NFIB: variants seen among roughly 807,000 people sequenced by gnomAD.
The protein encoded by NFIB is nuclear factor I B.
A neutral mutation model predicts 61.5 loss-of-function variants in NFIB; 11 were observed. The observed-to-expected ratio is 0.18, with a 90% CI of 0.11 to 0.30. NFIB has a LOEUF of 0.30. Among genes scored for constraint, NFIB ranks in the 10% least tolerant of loss-of-function variants. The pLI is 1.00. For missense variants in NFIB, 471 were observed against 608.9 expected (o/e 0.77, Z 2.38); for synonymous variants, 260 against 216.5 (o/e 1.20, Z -1.76).
At position 14,313,958 on chromosome 9, in the gene NFIB, G is replaced by T; in HGVS notation, c.-447C>A. On this transcript the variant is annotated 5_prime_UTR_variant, in exon 1 of 11. Transcript: ENST00000380953. The surrounding 1 kb of genome is among the most constrained non-coding windows in gnomAD (Gnocchi z 4.5). ...TTTCAAAAAAGGCGGGGAGGGGGGC[G>T]CGGGAGGGCGCAGGAGGGCGAGCGG... 9.4e-7 allele frequency: 1 copy of T among 1,060,862 alleles called. No individual in the cohort carries two copies. The highest frequency in any genetic ancestry group is 1.1e-6 in the Non-Finnish European group (1 of 878,828). 65.7% of individuals were successfully genotyped at this position (1,060,862 alleles called of 1,614,324 possible).
intron 2 of NFIB, among the ~76,000 whole-genome samples, chr9:14,208,313 C>A (rs539575583): frequency 1.3e-5 from 2 of 151,930 alleles, no homozygotes; most frequent in Non-Finnish European, 2.9e-5. Flanking sequence ...TTTCAATTGG[C>A]AATCCTTCCG....
chr9:14,180,641 A>T (rs576305797), intron 2 of NFIB: 1 of 152,230 alleles, frequency 6.6e-6, no homozygotes, highest in East Asian at 1.9e-4. Flanking sequence ...CATTTGCCCC[A>T]TATTATTATA....
intron 3 of NFIB, among the ~76,000 whole-genome samples, chr9:14,163,881 G>T (rs577526534): frequency 1.3e-5 from 2 of 151,204 alleles, no homozygotes; most frequent in African/African-American, 4.9e-5. Flanking sequence ...GCAAATAAAA[G>T]TAAATAATAA....
intron 3 of NFIB, among the ~76,000 whole-genome samples, chr9:14,170,292 T>C (rs10756533): frequency 1 from 151,539 of 152,280 alleles, 75,406 homozygotes; most frequent in Middle Eastern, 1. Flanking sequence ...CTTGTAAATA[T>C]GGAGAGGGAA....
intron 3 of NFIB, among the ~76,000 whole-genome samples, chr9:14,172,959 G>A (rs1013825162): frequency 6.6e-5 from 10 of 152,004 alleles, no homozygotes; most frequent in African/African-American, 2.4e-4. Context: ...TAGTAGAGAC[G>A]GGGTTTCACT....
chr9:14,382,637 C>T (rs747730781), intron 1 of NFIB, among the ~76,000 whole-genome samples: 2 of 151,990 alleles, frequency 1.3e-5, no homozygotes, highest in Non-Finnish European at 2.9e-5. Context: ...AGCTCTTGCA[C>T]GAGGGTAGCA....
chr9:14,529,963 A>C, the NFIB span, among the ~76,000 whole-genome samples: 2 of 152,222 alleles, frequency 1.3e-5, no homozygotes, highest in Non-Finnish European at 1.5e-5. Context: ...GAGAAGCTGC[A>C]ATCTGACTGT....
At chr9:14,299,782 C>T (rs962571900) in intron 2 of NFIB, among the ~76,000 whole-genome samples, 8 of 152,180 alleles carry the variant, frequency 5.3e-5, no homozygotes, top group Admixed American at 4.6e-4. Context: ...ATATGTGTAT[C>T]TAAGTGTTTT....
intron 1 of NFIB, among the ~76,000 whole-genome samples, chr9:14,341,941 A>G (rs931410172): frequency 0.017 from 6 of 358 alleles, no homozygotes; most frequent in African/African-American, 0.021. Flanking sequence ...CTCGGGAGGA[A>G]AAAAAAAAAA....
intron 2 of NFIB, among the ~76,000 whole-genome samples, chr9:14,243,226 G>C (rs2054532016): frequency 6.6e-6 from 1 of 152,084 alleles, no homozygotes; most frequent in Non-Finnish European, 1.5e-5. Flanking sequence ...AAAATTCCCA[G>C]AGGTTTCTTT....
the NFIB span, among the ~76,000 whole-genome samples, chr9:14,416,994 G>T: frequency 6.6e-6 from 1 of 150,738 alleles, no homozygotes; most frequent in African/African-American, 2.5e-5. Context: ...TCGGGTTCAA[G>T]CGATTCTCCT....
At chr9:14,493,388 A>G in the NFIB span, among the ~76,000 whole-genome samples, 1 of 152,130 alleles carries the variant, frequency 6.6e-6, no homozygotes, top group African/African-American at 2.4e-5. Flanking sequence ...TGCTAAATGT[A>G]ATTTCACAGA....
the NFIB span, among the ~76,000 whole-genome samples, chr9:14,521,585 C>T: frequency 6.6e-6 from 1 of 151,958 alleles, no homozygotes; most frequent in African/African-American, 2.4e-5. Context: ...AGCAGAGAAC[C>T]TGGTACATCG....
intron 1 of NFIB, among the ~76,000 whole-genome samples, chr9:14,342,247 A>G (rs2060960589): frequency 6.6e-6 from 1 of 152,186 alleles, no homozygotes; most frequent in Non-Finnish European, 1.5e-5. Context: ...CCAAGAACAA[A>G]TTATTTCAGG....
chr9:14,427,953 T>TG, the NFIB span, among the ~76,000 whole-genome samples: 2 of 118,056 alleles, frequency 1.7e-5, no homozygotes, highest in African/African-American at 6.2e-5. Flanking sequence ...TTTTTTTTTT[T>TG]TTTTTTTTTT....
At chr9:14,169,592 GGGC>G (rs1353953403) in intron 3 of NFIB, among the ~76,000 whole-genome samples, 2 of 152,144 alleles carry the variant, frequency 1.3e-5, no homozygotes, top group Non-Finnish European at 2.9e-5. Flanking sequence ...AGGCCAGGGT[GGGC>G]GGATCACATG....
chr9:14,403,308 C>T (rs2061760150), upstream of NFIB, among the ~76,000 whole-genome samples: 1 of 152,204 alleles, frequency 6.6e-6, no homozygotes, highest in Admixed American at 6.5e-5. Context: ...TTTTTGCAGG[C>T]AGCCTCAGCA....
chr9:14,460,467 C>G, the NFIB span, among the ~76,000 whole-genome samples: 1 of 151,470 alleles, frequency 6.6e-6, no homozygotes, highest in Admixed American at 6.6e-5. Flanking sequence ...TGTATACACA[C>G]GTAACAAACC....
intron 6 of NFIB, 118 bp downstream of exon 6, chr9:14,146,571 T>C: frequency 7.1e-7 from 1 of 1,415,566 alleles, no homozygotes; most frequent in Non-Finnish European, 9.7e-7. Flanking sequence ...CAGGAATCAT[T>C]TTATGAAAAA....
Sources: gnomAD v4.1 joint callset for allele counts (sites outside exome capture counted in the v4.1 genomes callset) on GRCh38, gnomAD v4.1.1 for gene constraint, Gnocchi (gnomAD v3.1) non-coding constraint, MANE v1.5 for transcripts, NCBI Gene and HGNC (gene_info 2026-07-23, HGNC 2026-07-21) for gene names.